The following MARCHF1 variants were observed in gnomAD, a reference collection of about 807,000 sequenced individuals.
The protein encoded by MARCHF1 is membrane associated ring-CH-type finger 1.
A neutral mutation model predicts 54.2 loss-of-function variants in MARCHF1; 40 were observed. The observed-to-expected ratio is 0.74, with a 90% CI of 0.57 to 0.96. MARCHF1 has a LOEUF of 0.96. MARCHF1 is among the 40% of genes least tolerant of loss of function. The probability of loss-of-function intolerance (pLI) is 0.00; values close to 1 mark genes in which losing one functional copy is unlikely to be tolerated. For missense variants in MARCHF1, 586 were observed against 656.5 expected, an observed-to-expected ratio of 0.89 and a Z score of 1.17; for synonymous variants, 236 against 236.3, an observed-to-expected ratio of 1.00 and a Z score of 0.01.
chr4:163,946,397 C>G (rs1752027326), intron 3 of MARCHF1, among the ~76,000 whole-genome samples: 1 of 152,090 alleles, frequency 6.6e-6, no homozygotes. Context: ...ACTATCATCT[C>G]TCTATAGTCC....
intron 8 of MARCHF1, among the ~76,000 whole-genome samples, chr4:163,560,453 G>T (rs1229363097): frequency 6.6e-6 from 1 of 152,052 alleles, no homozygotes; most frequent in Non-Finnish European, 1.5e-5. Context: ...TTTAAATCAG[G>T]TATTATTCCT....
chr4:163,619,285 C>G (rs1741605544), intron 5 of MARCHF1, among the ~76,000 whole-genome samples: 1 of 152,102 alleles, frequency 6.6e-6, no homozygotes, highest in Non-Finnish European at 1.5e-5. Flanking sequence ...TCAGGGTTGT[C>G]TGAAAGCAAA....
intron 5 of MARCHF1, among the ~76,000 whole-genome samples, chr4:163,674,514 G>T (rs17473787): frequency 0.3 from 44,969 of 152,008 alleles, 8,574 homozygotes; most frequent in Non-Finnish European, 0.44. Flanking sequence ...GAAGTGAAAA[G>T]GACCGATGAG....
At chr4:163,724,070 G>A (rs1163623680) in intron 4 of MARCHF1, among the ~76,000 whole-genome samples, 1 of 152,222 alleles carries the variant, frequency 6.6e-6, no homozygotes, top group Non-Finnish European at 1.5e-5. Flanking sequence ...CTGGCGAGGA[G>A]CTGTGTTCCT....
intron 1 of MARCHF1, among the ~76,000 whole-genome samples, chr4:164,376,273 T>C (rs1731188801): frequency 6.6e-6 from 1 of 152,234 alleles, no homozygotes; most frequent in African/African-American, 2.4e-5. Flanking sequence ...CTTGGTGATC[T>C]GAAAGATGAC....
At chr4:163,831,413 G>A (rs191647111) in intron 4 of MARCHF1, among the ~76,000 whole-genome samples, 233 of 152,234 alleles carry the variant, frequency 1.5e-3, no homozygotes, top group African/African-American at 5.4e-3. Context: ...GTGAGACCTT[G>A]TGTCTACAAC....
chr4:163,726,768 T>C (rs1176380883), intron 4 of MARCHF1, among the ~76,000 whole-genome samples: 1 of 152,196 alleles, frequency 6.6e-6, no homozygotes, highest in African/African-American at 2.4e-5. Flanking sequence ...CTACATTTGG[T>C]GGTGGTGTTT....
chr4:163,820,175 G>A (rs1314552092), intron 4 of MARCHF1, among the ~76,000 whole-genome samples: 1 of 151,870 alleles, frequency 6.6e-6, no homozygotes, highest in East Asian at 1.9e-4. Flanking sequence ...TAGTTTTTTT[G>A]TGAGGACGGT....
chr4:163,908,373 AAGAG>A (rs756967846), intron 3 of MARCHF1, among the ~76,000 whole-genome samples: 3 of 152,138 alleles, frequency 2.0e-5, no homozygotes, highest in Non-Finnish European at 2.9e-5. Flanking sequence ...AGAGGAGAAA[AAGAG>A]AGAAGATTTT....
chr4:164,072,379 A>G (rs759743032), intron 2 of MARCHF1, among the ~76,000 whole-genome samples: 12 of 152,108 alleles, frequency 7.9e-5, no homozygotes, highest in Non-Finnish European at 1.8e-4. Flanking sequence ...AGCTTCAGCA[A>G]CATGGTGAAA....
chr4:164,019,434 T>C (rs1753613690), intron 2 of MARCHF1, among the ~76,000 whole-genome samples: 1 of 152,172 alleles, frequency 6.6e-6, no homozygotes, highest in South Asian at 2.1e-4. Flanking sequence ...CAATAACTGG[T>C]ATCATGAGTG....
At chr4:164,114,543 T>C (rs1695202096) in intron 1 of MARCHF1, among the ~76,000 whole-genome samples, 1 of 151,694 alleles carries the variant, frequency 6.6e-6, no homozygotes, top group Non-Finnish European at 1.5e-5. Context: ...ATTTAATCAG[T>C]ATAAAATTAA....
chr4:164,016,894 T>C (rs567423223), intron 2 of MARCHF1, among the ~76,000 whole-genome samples: 9 of 152,122 alleles, frequency 5.9e-5, no homozygotes, highest in Non-Finnish European at 1.0e-4. Flanking sequence ...ATAGTATGCT[T>C]ATATCAAAAC....
intron 1 of MARCHF1, among the ~76,000 whole-genome samples, chr4:164,282,830 G>A (rs910199977): frequency 6.6e-6 from 1 of 151,084 alleles, no homozygotes; most frequent in Non-Finnish European, 1.5e-5. Flanking sequence ...TTCTAGCCAG[G>A]TACGATGACT....
intron 5 of MARCHF1, among the ~76,000 whole-genome samples, chr4:163,688,294 T>C (rs951893744): frequency 6.6e-6 from 1 of 152,130 alleles, no homozygotes; most frequent in Non-Finnish European, 1.5e-5. Flanking sequence ...TAAGAAGAGA[T>C]GGTGTAATCC....
intron 9 of MARCHF1, among the ~76,000 whole-genome samples, chr4:163,542,518 T>G (rs1414108820): frequency 6.6e-6 from 1 of 152,180 alleles, no homozygotes; most frequent in African/African-American, 2.4e-5. Flanking sequence ...TATAAACCTC[T>G]GGGGATAAAG....
intron 1 of MARCHF1, among the ~76,000 whole-genome samples, chr4:164,359,169 G>A (rs1335553852): frequency 6.6e-6 from 1 of 152,086 alleles, no homozygotes; most frequent in East Asian, 1.9e-4. Context: ...CGGAAGATGT[G>A]GCCATTCACA....
chr4:164,056,240 T>C (rs979374674), intron 2 of MARCHF1, among the ~76,000 whole-genome samples: 1 of 152,216 alleles, frequency 6.6e-6, no homozygotes, highest in Non-Finnish European at 1.5e-5. Flanking sequence ...TCATTTTCCC[T>C]GTGTGTCGCT....
At chr4:164,002,165 G>T (rs891474498) in intron 2 of MARCHF1, among the ~76,000 whole-genome samples, 1 of 151,372 alleles carries the variant, frequency 6.6e-6, no homozygotes, top group Admixed American at 6.6e-5. Context: ...CTCAACAACA[G>T]AATATTCACA....
Sources: allele counts gnomAD v4.1 joint callset (sites outside exome capture counted in the v4.1 genomes callset), GRCh38; gene constraint gnomAD v4.1.1; transcripts MANE v1.5; gene names NCBI Gene and HGNC (gene_info 2026-07-23, HGNC 2026-07-21).